The following TXNDC11 variants were observed in gnomAD, a reference collection of about 807,000 sequenced individuals.
The protein encoded by TXNDC11 is thioredoxin domain-containing protein 11.
In TXNDC11, 68 loss-of-function variants were observed where a neutral mutation model predicts 78.0. The observed-to-expected ratio is 0.87, with a 90% CI of 0.72 to 1.07. TXNDC11 has a LOEUF of 1.07. TXNDC11 is among the 50% of genes least tolerant of loss of function. The pLI, the probability that TXNDC11 is intolerant of heterozygous loss-of-function variation, is 0.00. For missense variants in TXNDC11, 1,389 were observed against 1,221.8 expected (o/e 1.14, Z -2.04); for synonymous variants, 571 against 495.2 (o/e 1.15, Z -2.03).
chr16:11,714,870 T>A (rs937464718), intron 5 of TXNDC11, among the ~76,000 whole-genome samples: 8 of 152,208 alleles, frequency 5.3e-5, no homozygotes. Flanking sequence ...AGAAAACTAA[T>A]GCTACTAATG....
chr16:11,740,166 C>G lies in TXNDC11; in HGVS notation c.254+2311G>C, dbSNP rs1020448255. Among the ~76,000 whole-genome samples, 3 of 151,414 alleles carry G rather than the reference C, an allele frequency of 2.0e-5. No homozygotes were observed. In the South Asian group the frequency reaches 6.2e-4, roughly 31 times the overall value. On this transcript the variant is annotated intron_variant, in intron 1 of 11. Transcript: ENST00000283033. ...CAAGATAAAAAAAAAAAAAAAAATC[C>G]TATTCTCCCTTAAGCCTATCTCCTT...
At chr16:11,724,851 T>C (rs113310489) in intron 4 of TXNDC11, among the ~76,000 whole-genome samples, 5,654 of 152,244 alleles carry the variant, frequency 0.037, 180 homozygotes, top group South Asian at 0.09. Flanking sequence ...GTTAAAGCAA[T>C]TCTCCTGCCT....
intron 11 of TXNDC11, 142 bp downstream of exon 11, chr16:11,684,023 T>C: frequency 5.3e-6 from 3 of 571,008 alleles, no homozygotes; most frequent in Middle Eastern, 2.8e-4. Flanking sequence ...AGTGCTGGGA[T>C]TACAGGCATG....
intron 4 of TXNDC11, among the ~76,000 whole-genome samples, chr16:11,728,310 G>C (rs932020830): frequency 6.6e-6 from 1 of 152,170 alleles, no homozygotes; most frequent in Non-Finnish European, 1.5e-5. Flanking sequence ...CTTGACTAGT[G>C]AGTTGTTTCA....
chr16:11,692,101 T>A lies in TXNDC11; in HGVS notation c.1108-19A>T, dbSNP rs771589769. 6.6e-7 allele frequency: 1 copy of A among 1,513,740 alleles called. No homozygotes were observed. Among genetic ancestry groups the A allele is most frequent in the East Asian group, 2.3e-5 (1 of 43,920 alleles). 93.8% of individuals were successfully genotyped at this position (1,513,740 alleles called of 1,614,324 possible). On this transcript the variant is annotated intron_variant, in intron 7 of 11. Coordinates refer to ENST00000283033, the MANE Select transcript of TXNDC11 (RefSeq NM_015914.7). The stretch of plus-strand genomic sequence containing the variant: ...CGGTGATCTGAAATACAGGGCAGAG[T>A]TGGTGAAGGGCTTGGGGATGACTGA...
rs1429647686 is a variant in TXNDC11 at position 11,679,440 on chromosome 16, G to T, written c.2632C>A (p.Gln878Lys). The T allele has an allele frequency of 1.9e-6, 3 of 1,613,378 alleles. No individual in the cohort carries two copies. In the African/African-American group the frequency reaches 4.0e-5, roughly 22 times the overall value. ...TTTTCTGAGGCATCGGCCAGCTCCT[G>T]CAGCTTGCGGGCCAGCTCCTGCAGC... ...RELQELARKLQELADASENLL... is the reference protein window; with the variant it reads ...RELQELARKLKELADASENLL... The change falls in exon 12 of 12, where the codon CAG (glutamine) becomes AAG (lysine). Residue 878 changes from glutamine to lysine, a missense_variant. Physicochemically the swap from Gln to Lys is moderately conservative, Grantham distance 53. Coordinates refer to ENST00000283033, the MANE Select transcript of TXNDC11 (RefSeq NM_015914.7). This position sits in a 1 kb window ranked among gnomAD's most constrained non-coding sequence, Gnocchi z 4.6.
intron 5 of TXNDC11, among the ~76,000 whole-genome samples, chr16:11,703,360 C>T (rs2141039419): frequency 6.6e-6 from 1 of 152,224 alleles, no homozygotes; most frequent in East Asian, 1.9e-4. Context: ...AACTTATTTA[C>T]TTCTTTGTGG....
chr16:11,681,506 T>G (rs1039867815), intron 11 of TXNDC11, among the ~76,000 whole-genome samples: 10 of 152,320 alleles, frequency 6.6e-5, no homozygotes, highest in African/African-American at 2.2e-4. Flanking sequence ...ATGTCAACAG[T>G]CTACTTCCAG....
intron 4 of TXNDC11, among the ~76,000 whole-genome samples, chr16:11,729,865 A>G (rs2051992703): frequency 6.6e-6 from 1 of 152,142 alleles, no homozygotes; most frequent in South Asian, 2.1e-4. Flanking sequence ...GGAGGCCAAC[A>G]TGGGAAGATC....
At chr16:11,681,517 G>C (rs1331530903) in intron 11 of TXNDC11, among the ~76,000 whole-genome samples, 1 of 152,226 alleles carries the variant, frequency 6.6e-6, no homozygotes, top group Non-Finnish European at 1.5e-5. Context: ...CTACTTCCAG[G>C]AAAGCAGTCA....
In TXNDC11 at chr16:11,726,652, G is replaced by C. The variant is rs1410021372; in HGVS notation, c.699+3993C>G. On this transcript the variant is annotated intron_variant, in intron 4 of 11. Transcript: ENST00000283033. ...AAATCATCTGAATAGGCCTTTGAAA[G>C]GATTCAACTATAGGACTTCTAAAAA... Among the ~76,000 whole-genome samples the C allele has an allele frequency of 3.3e-5, 5 of 151,112 alleles. No homozygotes were observed. In the South Asian group the frequency reaches 8.3e-4, roughly 25 times the overall value.
At chr16:11,699,581 C>T (rs1488405000) in intron 6 of TXNDC11, among the ~76,000 whole-genome samples, 1 of 152,236 alleles carries the variant, frequency 6.6e-6, no homozygotes, top group East Asian at 1.9e-4. Context: ...ATATAAACTG[C>T]AAGAAGTAAA....
At chr16:11,682,429 C>T (rs2050446440) in intron 11 of TXNDC11, among the ~76,000 whole-genome samples, 1 of 152,228 alleles carries the variant, frequency 6.6e-6, no homozygotes, top group Non-Finnish European at 1.5e-5. Context: ...CGGAGAAATG[C>T]GCACATCTTC....
chr16:11,681,510 C>T (rs567889468), intron 11 of TXNDC11, among the ~76,000 whole-genome samples: 2 of 152,246 alleles, frequency 1.3e-5, no homozygotes, highest in Non-Finnish European at 2.9e-5. Flanking sequence ...CAACAGTCTA[C>T]TTCCAGGAAA....
In TXNDC11 at chr16:11,736,000, C is replaced by T. The variant is rs754517841; in HGVS notation, c.471+17G>A. 9.9e-6 allele frequency: 16 copies of T among 1,611,944 alleles called. No homozygotes were observed. The East Asian group carries it at 3.6e-4, about 36-fold the overall frequency. ...GACTGACAGTCATTTGATTCTTAAG[C>T]TGAATGTGAGCATTACCTGATCTGA... is the stretch of plus-strand genomic sequence containing the variant. On this transcript the variant is annotated intron_variant, in intron 2 of 11. Transcript: ENST00000283033.
At chr16:11,731,256 A>G (rs1583001) in intron 3 of TXNDC11, among the ~76,000 whole-genome samples, 20,501 of 152,188 alleles carry the variant, frequency 0.13, 1,914 homozygotes, top group African/African-American at 0.26. Flanking sequence ...AGAAACAGGC[A>G]GACAAAGGAT....
At chr16:11,729,223 CA>C (rs1390597941) in intron 4 of TXNDC11, among the ~76,000 whole-genome samples, 1 of 152,178 alleles carries the variant, frequency 6.6e-6, no homozygotes, top group Non-Finnish European at 1.5e-5. Flanking sequence ...TAACCCGCCC[CA>C]AATCACAAAC....
At chr16:11,724,532 G>A (rs2051815926) in intron 4 of TXNDC11, among the ~76,000 whole-genome samples, 1 of 152,160 alleles carries the variant, frequency 6.6e-6, no homozygotes, top group African/African-American at 2.4e-5. Flanking sequence ...TGGGGGCTGA[G>A]ATGGGAGGAT....
At chr16:11,680,142 GC>G (rs1206970816) in intron 11 of TXNDC11, among the ~76,000 whole-genome samples, 1 of 152,206 alleles carries the variant, frequency 6.6e-6, no homozygotes, top group Non-Finnish European at 1.5e-5. Flanking sequence ...GTGATGCAGG[GC>G]CCCAGGAGTG....
Sources: allele counts gnomAD v4.1 joint callset (sites outside exome capture counted in the v4.1 genomes callset), GRCh38; gene constraint gnomAD v4.1.1; non-coding constraint Gnocchi (gnomAD v3.1); transcripts MANE v1.5; gene names NCBI Gene and HGNC (gene_info 2026-07-23, HGNC 2026-07-21).